KIF20B: variants seen among roughly 807,000 people sequenced by gnomAD.
The protein encoded by KIF20B is kinesin-like protein KIF20B.
KIF20B carries 188 observed loss-of-function variants against 232.5 expected under a neutral mutation model. That is an observed-to-expected ratio of 0.81 (90% CI 0.72 to 0.91). KIF20B has a LOEUF of 0.91. KIF20B is among the 40% of genes least tolerant of loss of function. The pLI is 0.00. For synonymous variants in KIF20B, 712 were observed against 683.0 expected, an observed-to-expected ratio of 1.04 and a Z score of -0.66; for missense variants, 2,154 against 2,055.9, an observed-to-expected ratio of 1.05 and a Z score of -0.92.
intron 15 of KIF20B, 88 bp downstream of exon 15, chr10:89,725,246 T>C (rs1843156020): frequency 3.4e-6 from 4 of 1,160,168 alleles, no homozygotes; most frequent in Middle Eastern, 2.1e-4. Flanking sequence ...AACACCAAGA[T>C]AGTTTAGAAT....
At chr10:89,760,044 C>T (rs1304403890) in intron 27 of KIF20B, among the ~76,000 whole-genome samples, 2 of 152,166 alleles carry the variant, frequency 1.3e-5, no homozygotes, top group East Asian at 3.8e-4. Flanking sequence ...GTCTTTTGTA[C>T]TGTAATGCTA....
In KIF20B at chr10:89,737,423, A is replaced by G. The variant is rs1280489945; in HGVS notation, c.2582A>G (p.Gln861Arg). 5 of 1,591,192 alleles carry G rather than the reference A, an allele frequency of 3.1e-6. No individual in the cohort carries two copies. Among genetic ancestry groups the G allele is most frequent in the Non-Finnish European group, 4.3e-6 (5 of 1,173,898 alleles). The change falls in exon 20 of 33, where the codon CAA becomes CGA. Residue 861 changes from glutamine to arginine, a missense_variant. Coordinates refer to ENST00000371728, the MANE Select transcript of KIF20B (RefSeq NM_001284259.2). ...IHVSSAITED[Q>R]KKSEEVRPNI... ...GTTAGTTCAGCTATCACTGAAGACC[A>G]AAAGAAAAGTGAAGAAGTGCGACCG...
intron 5 of KIF20B, 54 bp downstream of exon 5, chr10:89,710,119 C>G: frequency 6.7e-7 from 1 of 1,494,174 alleles, no homozygotes; most frequent in Non-Finnish European, 9.1e-7. Flanking sequence ...AATAATCACT[C>G]AGTGTTTTTA....
intron 32 of KIF20B, among the ~76,000 whole-genome samples, chr10:89,773,460 T>C (rs1272095050): frequency 1.3e-5 from 2 of 151,978 alleles, no homozygotes; most frequent in African/African-American, 2.4e-5. Context: ...CTTTCAGATA[T>C]GAGATTGACA....
chr10:89,730,278 ATAAT>A (rs1378665588), intron 18 of KIF20B, among the ~76,000 whole-genome samples: 2 of 152,164 alleles, frequency 1.3e-5, no homozygotes, highest in Non-Finnish European at 2.9e-5. Context: ...CTATTTAGTA[ATAAT>A]TAGTATTTAA....
intron 23 of KIF20B, among the ~76,000 whole-genome samples, chr10:89,747,025 A>G (rs1841926195): frequency 6.6e-6 from 1 of 152,250 alleles, no homozygotes; most frequent in Admixed American, 6.5e-5. Context: ...TCTGGACGAA[A>G]TTGTGTAAAG....
Position 89,743,851 on chromosome 10 carries a change from T to C in KIF20B, c.3959T>C (p.Ile1320Thr), listed in dbSNP as rs140968638. 2.6e-6 allele frequency: 4 copies of C among 1,565,402 alleles called. No individual in the cohort carries two copies. In the African/African-American group the frequency reaches 5.5e-5, roughly 21 times the overall value. ...GAGGATAAATTACTGAGGATTAAAA[T>C]TAATGAACTGGAGAAAAAGAAAAAC... is the stretch of plus-strand genomic sequence containing the variant. ...RDEDKLLRIK[I>T]NELEKKKNQC... The change falls in exon 22 of 33, where the codon ATT becomes ACT. Residue 1320 changes from isoleucine (I) to threonine (T), a missense_variant. Transcript: ENST00000371728.
chr10:89,729,359 G>A, intron 18 of KIF20B, 112 bp downstream of exon 18: 1 of 1,077,126 alleles, frequency 9.3e-7, no homozygotes, highest in East Asian at 3.6e-5. Flanking sequence ...TGAGAATGTT[G>A]AATTGCTTAT....
chr10:89,747,892 TAATAATAA>T (rs1175311401), intron 23 of KIF20B, among the ~76,000 whole-genome samples: 1 of 151,058 alleles, frequency 6.6e-6, no homozygotes, highest in East Asian at 2.1e-4. Flanking sequence ...ATAATAATAA[TAATAATAA>T]AATTTTTAAA....
chr10:89,709,147 T>C lies in KIF20B; in HGVS notation c.148-20T>C. 2 of 1,548,068 alleles carry C rather than the reference T, an allele frequency of 1.3e-6. No homozygotes were observed. Among genetic ancestry groups the C allele is most frequent in the Non-Finnish European group, 1.8e-6 (2 of 1,126,458 alleles). ...CCGTATCTTTCAAAAACACAATGTTTTTCTCCTTTATTTTTTAAGGCAAAC... is the reference window on the plus strand; with the variant it reads ...CCGTATCTTTCAAAAACACAATGTTCTTCTCCTTTATTTTTTAAGGCAAAC... On this transcript the variant is annotated intron_variant, in intron 2 of 32. Coordinates refer to ENST00000371728, the MANE Select transcript of KIF20B (RefSeq NM_001284259.2).
intron 8 of KIF20B, 26 bp from the exon 9 acceptor site, chr10:89,716,407 TTAA>T (rs1274531632): frequency 1.5e-5 from 14 of 934,192 alleles, no homozygotes; most frequent in Non-Finnish European, 2.1e-5. Context: ...TCTCAATAAA[TTAA>T]TATATATCCT....
At chr10:89,717,841 G>T in intron 11 of KIF20B, 119 bp downstream of exon 11, 1 of 598,122 alleles carries the variant, frequency 1.7e-6, no homozygotes, top group Non-Finnish European at 2.8e-6. Context: ...TAATGACTGT[G>T]TATAGATTGT....
intron 32 of KIF20B, among the ~76,000 whole-genome samples, chr10:89,773,492 G>C (rs1182353488): frequency 6.6e-6 from 1 of 152,052 alleles, no homozygotes; most frequent in African/African-American, 2.4e-5. Flanking sequence ...GATGTAAAGA[G>C]TTAGGGTAAA....
intron 24 of KIF20B, 145 bp from the exon 25 acceptor site, chr10:89,752,422 A>G (rs1464043750): frequency 1.1e-5 from 5 of 468,800 alleles, no homozygotes; most frequent in Non-Finnish European, 1.8e-5. Flanking sequence ...TAAAAGTTAA[A>G]CTATAGAATA....
Position 89,773,959 on chromosome 10 carries a change from T to A in KIF20B, c.5386-12T>A, listed in dbSNP as rs1242242006. On this transcript the variant is annotated splice_polypyrimidine_tract_variant and intron_variant, in intron 32 of 32. Transcript: ENST00000371728. ...TACAAGCTTTGAAAAACTATGAAAT[T>A]TTTAATTTCAGATTTTAATGGACCA... The A allele has an allele frequency of 5.3e-6, 8 of 1,508,836 alleles. No homozygotes were observed. The highest frequency in any genetic ancestry group is 2.8e-5 in the African/African-American group (2 of 71,594). 93.5% of individuals were successfully genotyped at this position (1,508,836 alleles called of 1,614,324 possible).
At position 89,743,930 on chromosome 10, in the gene KIF20B, A is replaced by T. The variant is rs78353530; in HGVS notation, c.4035+3A>T. ...AGCGAACCATTCAGCAACTCAAGGT[A>T]AACAGTTTTGTTTTTAAAGATGATT... On this transcript the variant is annotated splice_donor_region_variant and intron_variant, in intron 22 of 32. Coordinates refer to ENST00000371728, the MANE Select transcript of KIF20B (RefSeq NM_001284259.2). 5 of 1,578,220 alleles carry T rather than the reference A, an allele frequency of 3.2e-6. No individual in the cohort carries two copies. The highest frequency in any genetic ancestry group is 4.3e-6 in the Non-Finnish European group (5 of 1,167,738).
chr10:89,745,824 T>G, intron 22 of KIF20B, 75 bp from the exon 23 acceptor site: 1 of 956,076 alleles, frequency 1.0e-6, no homozygotes, highest in Non-Finnish European at 1.7e-6. Context: ...TATTGAGCCC[T>G]GTTTTCAAGA....
intron 12 of KIF20B, 53 bp from the exon 13 acceptor site, chr10:89,719,366 G>A (rs75038320): frequency 8.1e-7 from 1 of 1,230,710 alleles, no homozygotes; most frequent in Non-Finnish European, 1.1e-6. Flanking sequence ...TCATTTTCTA[G>A]TGGACAGTTC....
intron 22 of KIF20B, 90 bp from the exon 23 acceptor site, chr10:89,745,809 C>A: frequency 1.2e-6 from 1 of 833,208 alleles, no homozygotes; most frequent in Non-Finnish European, 2.0e-6. Flanking sequence ...TGATTTCAAA[C>A]TTAATATTGA....
Sources: gnomAD v4.1 joint callset for allele counts (sites outside exome capture counted in the v4.1 genomes callset) on GRCh38, gnomAD v4.1.1 for gene constraint, MANE v1.5 for transcripts, NCBI Gene and HGNC (gene_info 2026-07-23, HGNC 2026-07-21) for gene names.